The following TNNI3K variants were observed in gnomAD, a reference collection of about 807,000 sequenced individuals.
TNNI3K encodes serine/threonine-protein kinase TNNI3K.
A neutral mutation model predicts 114.5 loss-of-function variants in TNNI3K; 140 were observed. The observed-to-expected ratio is 1.22, with a 90% CI of 1.07 to 1.41. TNNI3K has a LOEUF of 1.41. Among genes scored for constraint, TNNI3K ranks in the 40% most tolerant of loss-of-function variants. The probability of loss-of-function intolerance (pLI) is 0.00; values close to 1 mark genes in which losing one functional copy is unlikely to be tolerated. For synonymous variants in TNNI3K, 347 were observed against 347.5 expected, an observed-to-expected ratio of 1.00 and a Z score of 0.02; for missense variants, 1,125 against 1,007.6, an observed-to-expected ratio of 1.12 and a Z score of -1.58.
intron 23 of TNNI3K, among the ~76,000 whole-genome samples, chr1:74,503,751 A>C (rs1669753098): frequency 6.6e-6 from 1 of 152,234 alleles, no homozygotes; most frequent in South Asian, 2.1e-4. Flanking sequence ...GTTGCCTTTT[A>C]TCTCTTTCTT....
intron 5 of TNNI3K, among the ~76,000 whole-genome samples, chr1:74,288,043 A>T (rs1198031710): frequency 2.6e-5 from 4 of 152,184 alleles, no homozygotes; most frequent in African/African-American, 9.6e-5. Flanking sequence ...ATGAGATATT[A>T]CCCCATACCA....
intron 5 of TNNI3K, among the ~76,000 whole-genome samples, chr1:74,296,229 T>TC (rs1657975510): frequency 6.6e-6 from 1 of 150,624 alleles, no homozygotes; most frequent in Non-Finnish European, 1.5e-5. Context: ...TGAGCGGAGA[T>TC]CGCGCCACTG....
In TNNI3K at chr1:74,369,585, G is replaced by A; in HGVS notation, c.1667G>A (p.Arg556Lys). ...SLFSLLHEQKRILDLQSKLII... is the reference protein window; with the variant it reads ...SLFSLLHEQKKILDLQSKLII... The stretch of plus-strand genomic sequence containing the variant: ...TTCTCCCTCCTTCATGAGCAGAAGA[G>A]GTATGGGTCTTTTGTTCTGATTTAT... The change falls in exon 16 of 25, where the codon AGG becomes AAG. Residue 556 changes from arginine to lysine, a missense_variant and splice_region_variant. Physicochemically the swap from Arg to Lys is conservative, Grantham distance 26. Transcript: ENST00000326637. 2 of 1,599,012 alleles carry A rather than the reference G, an allele frequency of 1.3e-6. No homozygotes were observed. The highest frequency in any genetic ancestry group is 1.7e-4 in the Middle Eastern group (1 of 5,944).
chr1:74,249,334 A>G (rs1297612240), intron 2 of TNNI3K, 125 bp from the exon 3 acceptor site: 2 of 1,014,018 alleles, frequency 2.0e-6, no homozygotes, highest in Non-Finnish European at 2.8e-6. Flanking sequence ...CTGTAAGTGC[A>G]AAATAATCTT....
chr1:74,337,901 T>C (rs1160714131), intron 7 of TNNI3K, among the ~76,000 whole-genome samples: 1 of 152,136 alleles, frequency 6.6e-6, no homozygotes. Flanking sequence ...TTATATTGTT[T>C]ATGATTGCAT....
At chr1:74,309,022 C>T (rs1233558353) in intron 5 of TNNI3K, among the ~76,000 whole-genome samples, 1 of 152,080 alleles carries the variant, frequency 6.6e-6, no homozygotes, top group Admixed American at 6.6e-5. Flanking sequence ...AAACTACCAA[C>T]CATAAAAAGC....
intron 17 of TNNI3K, among the ~76,000 whole-genome samples, chr1:74,399,024 C>T (rs777329769): frequency 1.1e-4 from 17 of 151,764 alleles, no homozygotes; most frequent in African/African-American, 3.6e-4. Flanking sequence ...GGCATGGTGG[C>T]GGGCGCCTGT....
chr1:74,422,720 T>C (rs948609794), intron 17 of TNNI3K, among the ~76,000 whole-genome samples: 9 of 152,064 alleles, frequency 5.9e-5, no homozygotes, highest in Non-Finnish European at 2.9e-5. Flanking sequence ...CTTGTTTCCA[T>C]TACCATGGAG....
intron 23 of TNNI3K, among the ~76,000 whole-genome samples, chr1:74,538,773 G>A (rs1405719943): frequency 6.6e-6 from 1 of 152,120 alleles, no homozygotes; most frequent in Admixed American, 6.6e-5. Context: ...GAAGAGCATT[G>A]CAAGCAGCGT....
chr1:74,392,217 G>A (rs1570564154), intron 17 of TNNI3K, among the ~76,000 whole-genome samples: 1 of 152,106 alleles, frequency 6.6e-6, no homozygotes, highest in African/African-American at 2.4e-5. Flanking sequence ...GGGTCAGGGA[G>A]GGATTTGAAG....
In TNNI3K at chr1:74,492,266, G is replaced by A. The variant is rs145302449; in HGVS notation, c.2351G>A (p.Ser784Asn). The part of the protein sequence containing the change: ...NARSYAALSQ[S>N]AGQYSSQGLS... Reference sequence around the variant, plus strand: ...AGGTCCTATGCTGCTTTGTCCCAAAGGTGAGTGGTAATATAAGCAAATCTC... The same window carrying A: ...AGGTCCTATGCTGCTTTGTCCCAAAAGTGAGTGGTAATATAAGCAAATCTC... The change falls in exon 23 of 25, where the codon AGT becomes AAT. Residue 784 changes from serine (S) to asparagine (N), a missense_variant and splice_region_variant. Ser to Asn is a conservative substitution (Grantham distance 46). Transcript: ENST00000326637. 4.0e-4 allele frequency: 614 copies of A among 1,534,898 alleles called. 4 individuals are homozygous for A. The highest frequency in any genetic ancestry group is 1.9e-5 in the Non-Finnish European group (21 of 1,129,392).
intron 2 of TNNI3K, among the ~76,000 whole-genome samples, chr1:74,237,629 A>G (rs1653937491): frequency 6.6e-6 from 1 of 152,028 alleles, no homozygotes; most frequent in Non-Finnish European, 1.5e-5. Flanking sequence ...TTCTGATACC[A>G]CATCGACAAC....
intron 23 of TNNI3K, among the ~76,000 whole-genome samples, chr1:74,507,796 G>A (rs1361996779): frequency 6.6e-6 from 1 of 152,100 alleles, no homozygotes; most frequent in Non-Finnish European, 1.5e-5. Flanking sequence ...CAGGAACATG[G>A]GCTCTGAGAC....
intron 5 of TNNI3K, among the ~76,000 whole-genome samples, chr1:74,329,039 C>A (rs902059760): frequency 6.6e-6 from 1 of 152,042 alleles, no homozygotes; most frequent in African/African-American, 2.4e-5. Flanking sequence ...ATCTATGGAG[C>A]CTCTACTGAC....
intron 17 of TNNI3K, among the ~76,000 whole-genome samples, chr1:74,396,494 C>T (rs1664087881): frequency 6.6e-6 from 1 of 152,128 alleles, no homozygotes. Flanking sequence ...ATTGTTAGGA[C>T]CCAATTTTTA....
At chr1:74,282,006 G>C (rs905503643) in intron 5 of TNNI3K, among the ~76,000 whole-genome samples, 1 of 152,084 alleles carries the variant, frequency 6.6e-6, no homozygotes, top group African/African-American at 2.4e-5. Flanking sequence ...AACACAATTG[G>C]TCATGGTACA....
chr1:74,333,500 A>G (rs1660318271), intron 6 of TNNI3K, among the ~76,000 whole-genome samples: 1 of 152,232 alleles, frequency 6.6e-6, no homozygotes, highest in South Asian at 2.1e-4. Flanking sequence ...GCCTGTATGC[A>G]TGTTGGGTGG....
chr1:74,464,784 T>A, intron 21 of TNNI3K: 1 of 1,535,654 alleles, frequency 6.5e-7, no homozygotes. Flanking sequence ...TACATGTTTA[T>A]TTGTTTAGAA....
chr1:74,269,388 C>A (rs1656208592), intron 4 of TNNI3K, among the ~76,000 whole-genome samples: 1 of 151,818 alleles, frequency 6.6e-6, no homozygotes, highest in Admixed American at 6.6e-5. Flanking sequence ...TATGCTCAAT[C>A]AATATTTGTT....
Sources: gnomAD v4.1 joint callset for allele counts (sites outside exome capture counted in the v4.1 genomes callset) on GRCh38, gnomAD v4.1.1 for gene constraint, MANE v1.5 for transcripts, NCBI Gene and HGNC (gene_info 2026-07-23, HGNC 2026-07-21) for gene names.